Variants in UNC79 observed in about 807,000 individuals in gnomAD.
The protein encoded by UNC79 is protein unc-79 homolog.
Under a neutral mutation model 283.1 loss-of-function variants are expected in UNC79, and 37 were observed. The observed-to-expected ratio is 0.13, with a 90% CI of 0.10 to 0.17. UNC79 has a LOEUF of 0.17. Among genes scored for constraint, UNC79 ranks in the 10% least tolerant of loss-of-function variants. The pLI, the probability that UNC79 is intolerant of heterozygous loss-of-function variation, is 1.00. For missense variants in UNC79, 2,272 were observed against 3,211.1 expected, an observed-to-expected ratio of 0.71 and a Z score of 7.07; for synonymous variants, 1,107 against 1,200.2, an observed-to-expected ratio of 0.92 and a Z score of 1.61.
At chr14:93,640,692 G>C (rs1015937474) in intron 32 of UNC79, among the ~76,000 whole-genome samples, 1 of 152,350 alleles carries the variant, frequency 6.6e-6, no homozygotes, top group South Asian at 2.1e-4. Flanking sequence ...AGTGCATGGA[G>C]TTCTGGGATC....
At chr14:93,497,830 A>G (rs1005593229) in intron 7 of UNC79, among the ~76,000 whole-genome samples, 2 of 152,084 alleles carry the variant, frequency 1.3e-5, no homozygotes, top group East Asian at 1.9e-4. Flanking sequence ...TACTAAAAAT[A>G]CAAAACTTAG....
chr14:93,420,218 A>G (rs1264033582), intron 1 of UNC79, among the ~76,000 whole-genome samples: 1 of 151,462 alleles, frequency 6.6e-6, no homozygotes, highest in African/African-American at 2.4e-5. Context: ...TGTCTACAAG[A>G]AACACACTTT....
At chr14:93,579,549 G>T (rs1361645021) in intron 18 of UNC79, among the ~76,000 whole-genome samples, 2 of 152,090 alleles carry the variant, frequency 1.3e-5, no homozygotes, top group African/African-American at 4.8e-5. Flanking sequence ...TATGTTATTT[G>T]GTGGGTTATA....
In UNC79 at chr14:93,621,174, G is replaced by GTA. The variant is rs989415407; in HGVS notation, c.4388-436_4388-435dup. 36 of 339,726 alleles carry GTA rather than the reference G, an allele frequency of 1.1e-4. No homozygotes were observed. The highest frequency in any genetic ancestry group is 3.0e-4 in the East Asian group (4 of 13,506). The allele number at this position is 339,726 out of a possible 1,614,324, so 21.0% of individuals were successfully genotyped here. A position where few individuals can be genotyped will look rare whatever the true frequency, so the allele number is the denominator to read the frequency against. On this transcript the variant is annotated intron_variant, in intron 29 of 48. Coordinates refer to ENST00000555664, the Ensembl canonical transcript of UNC79. This position sits in a 1 kb window ranked among gnomAD's most constrained non-coding sequence, Gnocchi z 4.8. The stretch of plus-strand genomic sequence containing the variant: ...ATTTATATATATGTATGCACAAACA[G>GTA]TATATATATATACACATTTATATAT...
intron 46 of UNC79, among the ~76,000 whole-genome samples, chr14:93,692,749 A>G (rs1365244623): frequency 6.6e-6 from 1 of 152,248 alleles, no homozygotes; most frequent in African/African-American, 2.4e-5. Context: ...GGCTAGCCTA[A>G]GCCCACTTCA....
At chr14:93,686,494 A>G in intron 42 of UNC79, 78 bp from the exon 46 acceptor site, 2 of 1,481,136 alleles carry the variant, frequency 1.4e-6, no homozygotes, top group African/African-American at 1.4e-5. Context: ...TTAGTAAACA[A>G]CGTGAAACCA....
chr14:93,546,500 T>C (rs908570280), intron 14 of UNC79, among the ~76,000 whole-genome samples: 2 of 152,124 alleles, frequency 1.3e-5, no homozygotes, highest in African/African-American at 2.4e-5. Context: ...GCTATGAAAA[T>C]AGGAATATTC....
chr14:93,479,195 C>CCTTG (rs2057975388), intron 4 of UNC79, among the ~76,000 whole-genome samples: 1 of 147,198 alleles, frequency 6.8e-6, no homozygotes, highest in Non-Finnish European at 1.5e-5. Context: ...TTCCTTCCTT[C>CCTTG]CTTCCTTCCT....
chr14:93,466,199 T>C (rs1452763237), intron 1 of UNC79, among the ~76,000 whole-genome samples: 1 of 152,230 alleles, frequency 6.6e-6, no homozygotes, highest in Non-Finnish European at 1.5e-5. Context: ...ACTTATTTCT[T>C]TGGGAAAATG....
At chr14:93,613,301 C>T (rs942534203) in intron 27 of UNC79, among the ~76,000 whole-genome samples, 57 of 146,844 alleles carry the variant, frequency 3.9e-4, no homozygotes, top group Admixed American at 2.0e-3. Flanking sequence ...AGACTGCATG[C>T]GTGTGTGTGT....
chr14:93,694,227 C>T (rs915241528), intron 46 of UNC79, 108 bp from the exon 50 acceptor site: 2 of 932,102 alleles, frequency 2.1e-6, no homozygotes, highest in Non-Finnish European at 1.7e-6. Context: ...GGTCATTACA[C>T]AGAAAGACCT....
chr14:93,423,644 G>A lies in UNC79; in HGVS notation c.-350-44027G>A, dbSNP rs370620845. Among the ~76,000 whole-genome samples the A allele has an allele frequency of 4.4e-3, 673 of 152,264 alleles. 4 individuals carry two copies. Among genetic ancestry groups the A allele is most frequent in the Non-Finnish European group, 7.6e-3 (516 of 68,020 alleles). On this transcript the variant is annotated intron_variant, in intron 1 of 49. Transcript: ENST00000256339. The stretch of plus-strand genomic sequence containing the variant: ...CAGTCTCTTCAATAAATGGTGCTTG[G>A]AAAACTGGATGTCCATATGTGAAAG...
intron 47 of UNC79, among the ~76,000 whole-genome samples, chr14:93,699,524 C>T (rs1319169682): frequency 6.6e-6 from 1 of 151,962 alleles, no homozygotes; most frequent in Non-Finnish European, 1.5e-5. Flanking sequence ...CTTCTTTGCC[C>T]CTTAAGTTGT....
chr14:93,442,332 G>GT (rs1394012573), intron 1 of UNC79, among the ~76,000 whole-genome samples: 1 of 151,986 alleles, frequency 6.6e-6, no homozygotes, highest in Non-Finnish European at 1.5e-5. Context: ...CATGTTGGGT[G>GT]TTTTTTGCTT....
rs747624056 is a variant in UNC79 at position 93,679,179 on chromosome 14, G to C, written c.6742-3438G>C. ...TATTATGTGTCAAGAGTAGATATTC[G>C]ACCGGGTGTGGTGCCTCACGCCTGT... is the stretch of plus-strand genomic sequence containing the variant. On this transcript the variant is annotated intron_variant, in intron 41 of 48. Coordinates refer to ENST00000555664, the Ensembl canonical transcript of UNC79. 2.6e-5 allele frequency among the ~76,000 whole-genome samples: 4 copies of C among 152,158 alleles called. No individual in the cohort carries two copies. In the East Asian group the frequency reaches 7.7e-4, roughly 29 times the overall value.
intron 1 of UNC79, among the ~76,000 whole-genome samples, chr14:93,455,454 C>G (rs1460047794): frequency 6.6e-6 from 1 of 152,080 alleles, no homozygotes; most frequent in Non-Finnish European, 1.5e-5. Context: ...CCACATGCAG[C>G]AATAGAGTGT....
intron 1 of UNC79, among the ~76,000 whole-genome samples, chr14:93,407,497 G>A (rs2055250281): frequency 6.6e-6 from 1 of 152,178 alleles, no homozygotes; most frequent in Non-Finnish European, 1.5e-5. Context: ...AGGTTCTCAT[G>A]ATAAAGTGCT....
At chr14:93,352,712 C>T (rs185975673) in intron 1 of UNC79, among the ~76,000 whole-genome samples, 13 of 152,294 alleles carry the variant, frequency 8.5e-5, no homozygotes, top group Admixed American at 3.9e-4. Context: ...TTTTGTCAGC[C>T]TCTCAGTCTA....
At chr14:93,569,743 A>G (rs1385150470) in intron 14 of UNC79, among the ~76,000 whole-genome samples, 1 of 152,100 alleles carries the variant, frequency 6.6e-6, no homozygotes, top group African/African-American at 2.4e-5. Flanking sequence ...CAGGAAAATT[A>G]CTATTTAAGT....
Sources: gnomAD v4.1 joint callset for allele counts (sites outside exome capture counted in the v4.1 genomes callset) on GRCh38, gnomAD v4.1.1 for gene constraint, Gnocchi (gnomAD v3.1) non-coding constraint, MANE v1.5 for transcripts, NCBI Gene and HGNC (gene_info 2026-07-23, HGNC 2026-07-21) for gene names.